The following CCDC169 variants were observed in gnomAD, a reference collection of about 807,000 sequenced individuals.
CCDC169 encodes coiled-coil domain containing 169.
In CCDC169, 30 loss-of-function variants were observed where a neutral mutation model predicts 36.0. The ratio of observed to expected loss-of-function variants is 0.83; its 90% CI spans 0.62 to 1.13. The LOEUF is 1.13. Among genes scored for constraint, CCDC169 ranks in the 50% most tolerant of loss-of-function variants. CCDC169 has a pLI of 0.00. For missense variants in CCDC169, 245 were observed against 245.9 expected (o/e 1.00, Z 0.03); for synonymous variants, 85 against 81.5 (o/e 1.04, Z -0.23).
intron 4 of CCDC169, among the ~76,000 whole-genome samples, chr13:36,272,895 G>C (rs1036822259): frequency 6.6e-6 from 1 of 152,156 alleles, no homozygotes; most frequent in African/African-American, 2.4e-5. Flanking sequence ...GTGACCAACT[G>C]TTCCATGTGT....
At chr13:36,223,122 G>A (rs1175702927), downstream of CCDC169, 3 of 152,164 alleles carry the variant, frequency 2.0e-5, no homozygotes, top group African/African-American at 4.8e-5. Flanking sequence ...ATGGCAAAAC[G>A]TTTTTGAAAG....
At position 36,231,119 on chromosome 13, in the gene CCDC169, A is replaced by G; in HGVS notation, c.*74T>C. ...TTTTATTCCCTGAAGAAATGTGCTG[A>G]CCATTAACTTTATAACTTGAATATT... On this transcript the variant is annotated 3_prime_UTR_variant, in exon 8 of 8. Coordinates refer to ENST00000239859, the MANE Select transcript of CCDC169 (RefSeq NM_001144981.3). The G allele has an allele frequency of 4.7e-6, 7 of 1,499,082 alleles. No individual in the cohort carries two copies. In the South Asian group the frequency reaches 9.6e-5, roughly 21 times the overall value. The allele number at this position is 1,499,082 out of a possible 1,614,324, so 92.9% of individuals were successfully genotyped here. A position where few individuals can be genotyped will look rare whatever the true frequency, so the allele number is the denominator to read the frequency against.
Position 36,283,718 on chromosome 13 carries a change from G to C in CCDC169, c.164-16C>G. 6.5e-7 allele frequency: 1 copy of C among 1,529,420 alleles called. No homozygotes were observed. Among genetic ancestry groups the C allele is most frequent in the Non-Finnish European group, 8.9e-7 (1 of 1,129,072 alleles). 94.7% of individuals were successfully genotyped at this position (1,529,420 alleles called of 1,614,324 possible). On this transcript the variant is annotated splice_polypyrimidine_tract_variant and intron_variant, in intron 2 of 7. Coordinates refer to ENST00000239859, the MANE Select transcript of CCDC169 (RefSeq NM_001144981.3). ...CATTCACTACCTGAGTAAAAACAGG[G>C]AGAAACAATCAAGATCACCCCACCA...
intron 7 of CCDC169, chr13:36,240,800 A>G: frequency 3.5e-6 from 1 of 285,482 alleles, no homozygotes; most frequent in Non-Finnish European, 6.7e-6. Context: ...TTCATAGTTA[A>G]TACACACCAT....
intron 4 of CCDC169, among the ~76,000 whole-genome samples, chr13:36,271,827 A>G (rs1454791776): frequency 6.6e-6 from 1 of 151,962 alleles, no homozygotes; most frequent in Non-Finnish European, 1.5e-5. Flanking sequence ...GCTCATACCT[A>G]TAATCCCAGC....
intron 7 of CCDC169, among the ~76,000 whole-genome samples, chr13:36,242,444 A>G (rs1871949983): frequency 6.6e-6 from 1 of 152,180 alleles, no homozygotes; most frequent in Admixed American, 6.5e-5. Context: ...AGTCATCAAC[A>G]AAAGGAGGAT....
chr13:36,227,489 C>T (rs1402782287), downstream of CCDC169: 30 of 1,113,906 alleles, frequency 2.7e-5, no homozygotes, highest in South Asian at 3.8e-5. Flanking sequence ...CACACACACA[C>T]ATATACACAA....
At chr13:36,253,968 T>C in intron 5 of CCDC169, 77 bp downstream of exon 5, 1 of 1,534,624 alleles carries the variant, frequency 6.5e-7, no homozygotes, top group South Asian at 1.2e-5. Flanking sequence ...TTGTGTTAAT[T>C]ATAGAGTAGG....
intron 4 of CCDC169, among the ~76,000 whole-genome samples, chr13:36,259,873 T>C: frequency 6.6e-6 from 1 of 152,084 alleles, no homozygotes; most frequent in Non-Finnish European, 1.5e-5. Flanking sequence ...TCCCACCAGG[T>C]GGTGGCCTCT....
downstream of CCDC169, among the ~76,000 whole-genome samples, chr13:36,228,537 GT>G (rs1172898780): frequency 5.3e-5 from 8 of 151,950 alleles, no homozygotes; most frequent in Non-Finnish European, 1.2e-4. Context: ...TTTTGCTGTG[GT>G]TATTGCAACA....
chr13:36,230,119 A>G (rs74045267), downstream of CCDC169, among the ~76,000 whole-genome samples: 594 of 152,332 alleles, frequency 3.9e-3, 2 homozygotes, highest in African/African-American at 0.014. Context: ...AAACTTTTAT[A>G]GAAGAAGTTA....
Position 36,283,470 on chromosome 13 carries a change from A to G in CCDC169, c.314T>C (p.Val105Ala), listed in dbSNP as rs934039266. The G allele has an allele frequency of 1.9e-6, 3 of 1,548,606 alleles. No individual in the cohort carries two copies. The highest frequency in any genetic ancestry group is 3.9e-5 in the Admixed American group (2 of 50,926). Residue 105 changes from valine to alanine, a missense_variant and splice_region_variant, in exon 4 of 8, where the codon GTG (valine) becomes GCG (alanine). Val to Ala is a moderately conservative substitution (Grantham distance 64). Coordinates refer to ENST00000239859, the MANE Select transcript of CCDC169 (RefSeq NM_001144981.3). ...GTGTTTAATCACATTTCTACTCACCACTGGCATTCGTTCATAGACACGAAT... is the reference window on the plus strand; with the variant it reads ...GTGTTTAATCACATTTCTACTCACCGCTGGCATTCGTTCATAGACACGAAT... ...SSIRVYERMP[V>A]ESLNTLLKQL...
intron 4 of CCDC169, among the ~76,000 whole-genome samples, chr13:36,267,769 G>A (rs1594054221): frequency 6.6e-6 from 1 of 151,644 alleles, no homozygotes. Context: ...GATATTCCAC[G>A]CAAATAGAAA....
At chr13:36,272,315 T>A (rs1258481117) in intron 4 of CCDC169, among the ~76,000 whole-genome samples, 4 of 151,900 alleles carry the variant, frequency 2.6e-5, no homozygotes, top group African/African-American at 9.7e-5. Flanking sequence ...CAGCTAACAA[T>A]GGAGTCCCAT....
intron 4 of CCDC169, among the ~76,000 whole-genome samples, chr13:36,255,993 T>C (rs1430064108): frequency 6.6e-6 from 1 of 151,722 alleles, no homozygotes; most frequent in Non-Finnish European, 1.5e-5. Context: ...CACTCCAATA[T>C]TCATGTGGGC....
chr13:36,272,816 T>C (rs1464403917), intron 4 of CCDC169, among the ~76,000 whole-genome samples: 1 of 152,172 alleles, frequency 6.6e-6, no homozygotes, highest in Admixed American at 6.5e-5. Flanking sequence ...TGCAGTTTAA[T>C]TTCTCCAGAA....
intron 7 of CCDC169, among the ~76,000 whole-genome samples, chr13:36,234,442 TA>T (rs1172393581): frequency 2.0e-5 from 3 of 152,122 alleles, no homozygotes; most frequent in African/African-American, 7.2e-5. Flanking sequence ...AAATAATAGC[TA>T]AAAATTTCCC....
At chr13:36,232,580 G>A (rs1299757651) in intron 7 of CCDC169, among the ~76,000 whole-genome samples, 1 of 152,094 alleles carries the variant, frequency 6.6e-6, no homozygotes, top group East Asian at 1.9e-4. Flanking sequence ...TGGATCACTT[G>A]AGGCCAGGAG....
intron 7 of CCDC169, chr13:36,244,316 C>T (rs532465860): frequency 2.0e-5 from 3 of 152,210 alleles, no homozygotes; most frequent in South Asian, 4.1e-4. Flanking sequence ...TTATATTGAA[C>T]ACCTGTTTTC....
Sources: allele counts gnomAD v4.1 joint callset (sites outside exome capture counted in the v4.1 genomes callset), GRCh38; gene constraint gnomAD v4.1.1; transcripts MANE v1.5; gene names NCBI Gene and HGNC (gene_info 2026-07-23, HGNC 2026-07-21).